Variants in IQCH observed in about 807,000 individuals in gnomAD.
IQCH encodes the protein IQ motif containing H, also known as IQ domain-containing protein H.
A neutral mutation model predicts 117.0 loss-of-function variants in IQCH; 98 were observed. That is an observed-to-expected ratio of 0.84 (90% CI 0.71 to 0.99). The LOEUF (loss-of-function observed/expected upper bound fraction) is 0.99. Ranked by LOEUF, IQCH falls within the 50% of genes least tolerant of loss-of-function variation. The pLI is 0.00. For synonymous variants in IQCH, 412 were observed against 448.2 expected, an observed-to-expected ratio of 0.92 and a Z score of 1.02; for missense variants, 1,102 against 1,243.8, an observed-to-expected ratio of 0.89 and a Z score of 1.72.
In IQCH at chr15:67,385,240, C is replaced by T; in HGVS notation, c.1456+221C>T. Among the ~76,000 whole-genome samples, 1 of 152,046 alleles carries T rather than the reference C, an allele frequency of 6.6e-6. No individual in the cohort carries two copies. The highest frequency in any genetic ancestry group is 1.9e-4 in the East Asian group (1 of 5,184). Reference sequence around the variant, plus strand: ...AAAAAATGACATTTTAACCAATTTACTTGGGCAGTTTTCTAGATTATCTTT... The same window carrying T: ...AAAAAATGACATTTTAACCAATTTATTTGGGCAGTTTTCTAGATTATCTTT... On this transcript the variant is annotated intron_variant, in intron 11 of 20. Transcript: ENST00000335894. The surrounding 1 kb of genome is among the most constrained non-coding windows in gnomAD (Gnocchi z 4.6).
intron 4 of IQCH, among the ~76,000 whole-genome samples, chr15:67,334,144 A>T (rs779569742): frequency 3.3e-5 from 5 of 152,216 alleles, no homozygotes; most frequent in Non-Finnish European, 7.4e-5. Flanking sequence ...ATGAGAAACT[A>T]GCTAGAAGGG....
chr15:67,434,785 CT>C (rs775675138), intron 16 of IQCH, among the ~76,000 whole-genome samples: 71 of 126,842 alleles, frequency 5.6e-4, no homozygotes, highest in Admixed American at 9.2e-4. Context: ...CTTTTCTTTT[CT>C]TTTTTTTTTT....
chr15:67,440,819 C>A (rs1327025395), intron 16 of IQCH, among the ~76,000 whole-genome samples: 3 of 152,066 alleles, frequency 2.0e-5, no homozygotes, highest in African/African-American at 7.2e-5. Context: ...GACAAAGATG[C>A]CCACTCTCAC....
At chr15:67,348,531 T>C (rs1024845629) in intron 6 of IQCH, among the ~76,000 whole-genome samples, 1 of 152,124 alleles carries the variant, frequency 6.6e-6, no homozygotes, top group Non-Finnish European at 1.5e-5. Flanking sequence ...TAACAACAAA[T>C]ATTAAATACT....
At chr15:67,394,917 A>AT (rs1316236919) in intron 12 of IQCH, among the ~76,000 whole-genome samples, 8 of 152,112 alleles carry the variant, frequency 5.3e-5, no homozygotes, top group Non-Finnish European at 7.4e-5. Flanking sequence ...TTTTTTCTTC[A>AT]TTTTTTGTAT....
At chr15:67,326,971 CT>C (rs1968440483) in intron 4 of IQCH, among the ~76,000 whole-genome samples, 1 of 152,064 alleles carries the variant, frequency 6.6e-6, no homozygotes, top group Non-Finnish European at 1.5e-5. Context: ...ATTTTAAGGA[CT>C]GATCAATATG....
At chr15:67,437,752 C>T (rs889327968) in intron 16 of IQCH, among the ~76,000 whole-genome samples, 1 of 152,080 alleles carries the variant, frequency 6.6e-6, no homozygotes, top group African/African-American at 2.4e-5. Flanking sequence ...ATGCAAAATG[C>T]TCTGGAAAGT....
At position 67,357,581 on chromosome 15, in the gene IQCH, G is replaced by A. The variant is rs7174933; in HGVS notation, c.714+160G>A. Among the ~76,000 whole-genome samples the A allele has an allele frequency of 6.5e-3, 992 of 152,312 alleles. 11 individuals are homozygous for A. The highest frequency in any genetic ancestry group is 0.023 in the African/African-American group (951 of 41,566). On this transcript the variant is annotated intron_variant, in intron 7 of 20. Coordinates refer to ENST00000335894, the MANE Select transcript of IQCH (RefSeq NM_001031715.3). ...GCATTTGACTTTCAAAAGGGGAATT[G>A]TACAAGTCAACTCTAGCATAATGTT...
rs79410242 is a variant in IQCH at position 67,389,793 on chromosome 15, C to T, written c.1632+787C>T. Among the ~76,000 whole-genome samples, 213 of 148,938 alleles carry T rather than the reference C, an allele frequency of 1.4e-3. 2 individuals are homozygous for T. The East Asian group carries it at 0.031, about 21-fold the overall frequency. ...AAGTCAACTGTCTCTCTATCGCCAA[C>T]GTGATTGCATGCTATACATAGGGAA... On this transcript the variant is annotated intron_variant, in intron 12 of 20. Transcript: ENST00000335894.
chr15:67,394,247 A>T (rs887315375), intron 12 of IQCH, among the ~76,000 whole-genome samples: 7 of 152,228 alleles, frequency 4.6e-5, no homozygotes, highest in Non-Finnish European at 8.8e-5. Flanking sequence ...TCATAATAAT[A>T]GTACTAGCTA....
At chr15:67,361,399 A>G (rs1970126779) in intron 8 of IQCH, among the ~76,000 whole-genome samples, 1 of 152,218 alleles carries the variant, frequency 6.6e-6, no homozygotes, top group East Asian at 1.9e-4. Context: ...TCAGTTAGTC[A>G]TCCAATTAGT....
At chr15:67,418,161 C>T (rs971036631) in intron 15 of IQCH, among the ~76,000 whole-genome samples, 3 of 152,102 alleles carry the variant, frequency 2.0e-5, no homozygotes, top group Admixed American at 6.6e-5. Flanking sequence ...AAGCTACCTC[C>T]GTGCTGCTCC....
intron 3 of IQCH, among the ~76,000 whole-genome samples, chr15:67,266,890 A>C (rs796864163): frequency 6.6e-6 from 1 of 152,218 alleles, no homozygotes; most frequent in African/African-American, 2.4e-5. Context: ...TTTCTTGTTC[A>C]TGGATGCTTA....
At chr15:67,338,235 C>T (rs7183394) in intron 5 of IQCH, among the ~76,000 whole-genome samples, 50 of 149,620 alleles carry the variant, frequency 3.3e-4, no homozygotes, top group African/African-American at 9.1e-4. Context: ...ATCTATCTAT[C>T]TATCTATCTA....
At chr15:67,341,885 A>G (rs1023067963) in intron 5 of IQCH, among the ~76,000 whole-genome samples, 1 of 152,220 alleles carries the variant, frequency 6.6e-6, no homozygotes, top group Non-Finnish European at 1.5e-5. Context: ...TTGCATGTGT[A>G]TAAACAATAA....
In IQCH at chr15:67,491,676, A is replaced by C. The variant is rs919360885; in HGVS notation, c.2861+1612A>C. Among the ~76,000 whole-genome samples the C allele has an allele frequency of 3.9e-5, 6 of 152,170 alleles. No individual in the cohort carries two copies. Among genetic ancestry groups the C allele is most frequent in the Admixed American group, 2.6e-4 (4 of 15,282 alleles). On this transcript the variant is annotated intron_variant, in intron 19 of 20. Coordinates refer to ENST00000335894, the MANE Select transcript of IQCH (RefSeq NM_001031715.3). The surrounding 1 kb of genome is among the most constrained non-coding windows in gnomAD (Gnocchi z 4.9). ...ATAACATCCCAACAAGCTTGCCTTC[A>C]TCTTCTCCACCTAGGCCTTCACATC...
At position 67,376,561 on chromosome 15, in the gene IQCH, A is replaced by G. The variant is rs889598606; in HGVS notation, c.1372+3128A>G. Reference sequence around the variant, plus strand: ...AATAATTACACCATGCTGCTAGCCAATTGGGGCTGCACTAACTTGTTTGAA... The same window carrying G: ...AATAATTACACCATGCTGCTAGCCAGTTGGGGCTGCACTAACTTGTTTGAA... On this transcript the variant is annotated intron_variant, in intron 10 of 20. Transcript: ENST00000335894. The surrounding 1 kb of genome is among the most constrained non-coding windows in gnomAD (Gnocchi z 5.0). Among the ~76,000 whole-genome samples the G allele has an allele frequency of 6.6e-6, 1 of 152,172 alleles. No homozygotes were observed. The highest frequency in any genetic ancestry group is 1.5e-5 in the Non-Finnish European group (1 of 68,024).
In IQCH at chr15:67,365,153, C is replaced by A. The variant is rs564949593; in HGVS notation, c.753+5268C>A. 6.6e-6 allele frequency among the ~76,000 whole-genome samples: 1 copy of A among 152,074 alleles called. No homozygotes were observed. The highest frequency in any genetic ancestry group is 6.6e-5 in the Admixed American group (1 of 15,258). The stretch of plus-strand genomic sequence containing the variant: ...TCGAGATGGGGTTTTACCATGTTGC[C>A]CAGGCTGGTCTGGAACTCGTGGACT... On this transcript the variant is annotated intron_variant, in intron 8 of 20. Transcript: ENST00000335894. The surrounding 1 kb of genome is among the most constrained non-coding windows in gnomAD (Gnocchi z 4.4).
At chr15:67,303,299 G>A (rs1359492700) in intron 4 of IQCH, among the ~76,000 whole-genome samples, 3 of 152,274 alleles carry the variant, frequency 2.0e-5, no homozygotes, top group African/African-American at 7.2e-5. Context: ...GGAATGGGGA[G>A]CAATTGCTAA....
Sources: allele counts gnomAD v4.1 joint callset (sites outside exome capture counted in the v4.1 genomes callset), GRCh38; gene constraint gnomAD v4.1.1; non-coding constraint Gnocchi (gnomAD v3.1); transcripts MANE v1.5; gene names NCBI Gene and HGNC (gene_info 2026-07-23, HGNC 2026-07-21).